The following REPS1 variants were observed in gnomAD, a reference collection of about 807,000 sequenced individuals.
REPS1 encodes ralBP1-associated Eps domain-containing protein 1.
In REPS1, 39 loss-of-function variants were observed where a neutral mutation model predicts 100.9. The ratio of observed to expected loss-of-function variants is 0.39; its 90% CI spans 0.30 to 0.50. The LOEUF is 0.50. REPS1 is among the 20% of genes least tolerant of loss of function. The pLI, the probability that REPS1 is intolerant of heterozygous loss-of-function variation, is 0.86. For missense variants in REPS1, 821 were observed against 968.5 expected (o/e 0.85, Z 2.02); for synonymous variants, 324 against 340.3 (o/e 0.95, Z 0.53).
At chr6:138,952,278 A>C (rs1437174397) in intron 1 of REPS1, among the ~76,000 whole-genome samples, 1 of 152,230 alleles carries the variant, frequency 6.6e-6, no homozygotes, top group African/African-American at 2.4e-5. Context: ...GTTTGCAGGT[A>C]ATATGATCTT....
intron 1 of REPS1, among the ~76,000 whole-genome samples, chr6:138,966,168 C>G (rs543114083): frequency 6.6e-6 from 1 of 152,188 alleles, no homozygotes; most frequent in East Asian, 1.9e-4. Flanking sequence ...CAGGAGCCCA[C>G]AATTATTCCT....
chr6:138,962,167 T>C (rs781408603), intron 1 of REPS1, among the ~76,000 whole-genome samples: 1 of 152,106 alleles, frequency 6.6e-6, no homozygotes, highest in Non-Finnish European at 1.5e-5. Context: ...AAAATGGCAA[T>C]AAAATAAATG....
At chr6:138,913,311 ATAAGT>A (rs1221656006) in intron 15 of REPS1, among the ~76,000 whole-genome samples, 3 of 152,088 alleles carry the variant, frequency 2.0e-5, no homozygotes, top group African/African-American at 7.2e-5. Flanking sequence ...TCTTCCTTAA[ATAAGT>A]TATTTTTTTT....
At chr6:138,924,880 G>T (rs1417140353) in intron 10 of REPS1, among the ~76,000 whole-genome samples, 1 of 152,086 alleles carries the variant, frequency 6.6e-6, no homozygotes. Flanking sequence ...AAAAATAAAT[G>T]CCTTAAATGT....
intron 8 of REPS1, among the ~76,000 whole-genome samples, chr6:138,935,348 A>T (rs1182291482): frequency 6.6e-6 from 1 of 152,214 alleles, no homozygotes; most frequent in Non-Finnish European, 1.5e-5. Flanking sequence ...AGTACTGCTC[A>T]ACATCTGACT....
At chr6:138,935,814 G>A (rs1378149092) in intron 8 of REPS1, among the ~76,000 whole-genome samples, 4 of 123,916 alleles carry the variant, frequency 3.2e-5, no homozygotes, top group African/African-American at 9.2e-5. Flanking sequence ...AGATCACACC[G>A]CAGCACTCCA....
intron 1 of REPS1, among the ~76,000 whole-genome samples, chr6:138,977,143 G>C (rs1352584146): frequency 6.6e-6 from 1 of 152,178 alleles, no homozygotes; most frequent in Non-Finnish European, 1.5e-5. Flanking sequence ...AAATTATACA[G>C]TGTATAGAGC....
At chr6:138,928,988 C>T (rs17068112) in intron 9 of REPS1, 1 of 152,104 alleles carries the variant, frequency 6.6e-6, no homozygotes, top group South Asian at 2.1e-4. Context: ...AGTATAAAAC[C>T]ACCAGTTAGT....
intron 8 of REPS1, among the ~76,000 whole-genome samples, chr6:138,933,611 G>A (rs1157172002): frequency 2.0e-5 from 3 of 152,120 alleles, no homozygotes; most frequent in Non-Finnish European, 4.4e-5. Context: ...AAGCAAATAT[G>A]ACAATTTCGT....
intron 1 of REPS1, among the ~76,000 whole-genome samples, chr6:138,969,843 G>A (rs995306317): frequency 1.4e-5 from 2 of 146,986 alleles, no homozygotes; most frequent in Admixed American, 1.4e-4. Context: ...AAAGAAAGAG[G>A]TTACTGTGAA....
intron 9 of REPS1, 128 bp from the exon 10 acceptor site, chr6:138,926,609 A>G: frequency 1.5e-6 from 1 of 646,574 alleles, no homozygotes; most frequent in Admixed American, 2.6e-5. Context: ...AACAAAATTC[A>G]GTAATTTCTA....
At chr6:138,979,198 C>CAAA (rs1277794755) in intron 1 of REPS1, among the ~76,000 whole-genome samples, 1 of 91,796 alleles carries the variant, frequency 1.1e-5, no homozygotes, top group Non-Finnish European at 2.0e-5. Context: ...AAAAAAAAAA[C>CAAA]AAAAAAAAAA....
chr6:138,960,543 G>A (rs1783670640), intron 1 of REPS1, among the ~76,000 whole-genome samples: 1 of 151,668 alleles, frequency 6.6e-6, no homozygotes, highest in Non-Finnish European at 1.5e-5. Context: ...TTACAAATGT[G>A]CAAATTTCCT....
intron 18 of REPS1, 110 bp from the exon 19 acceptor site, chr6:138,907,710 T>C (rs2128422762): frequency 4.3e-6 from 3 of 693,678 alleles, no homozygotes; most frequent in Admixed American, 2.4e-5. Flanking sequence ...AGAGCATCTT[T>C]TTCCTTACTA....
At position 138,944,616 on chromosome 6, in the gene REPS1, G is replaced by C. The variant is rs1782494565; in HGVS notation, c.635C>G (p.Ser212Cys). 1.2e-6 allele frequency: 2 copies of C among 1,613,248 alleles called. No homozygotes were observed. The highest frequency in any genetic ancestry group is 1.7e-6 in the Non-Finnish European group (2 of 1,179,818). Residue 212 changes from serine (S) to cysteine (C), a missense_variant, in exon 5 of 20, where the codon TCT becomes TGT. Physicochemically the swap from Ser to Cys is moderately radical, Grantham distance 112. Transcript: ENST00000450536. ...SPFGEAQSGS[S>C]AGDAVWSGHS... ...CCCTGACCACACTGCATCACCAGCA[G>C]AAGAACCTATAAGGAGAATGGGTAA...
chr6:138,964,038 T>C (rs931045660), intron 1 of REPS1, among the ~76,000 whole-genome samples: 7 of 152,182 alleles, frequency 4.6e-5, no homozygotes, highest in East Asian at 1.9e-4. Flanking sequence ...TTAGAGCAAA[T>C]AGCTCATCTC....
At chr6:138,983,665 C>T (rs1785083536) in intron 1 of REPS1, among the ~76,000 whole-genome samples, 1 of 152,144 alleles carries the variant, frequency 6.6e-6, no homozygotes, top group South Asian at 2.1e-4. Flanking sequence ...CAGTCTCCTC[C>T]TAACTTTTAC....
At chr6:138,917,725 G>C in intron 12 of REPS1, 98 bp from the exon 13 acceptor site, 1 of 950,842 alleles carries the variant, frequency 1.1e-6, no homozygotes, top group Non-Finnish European at 1.6e-6. Context: ...TTTCAAGCCA[G>C]AGATAGTCAA....
chr6:138,962,551 C>T (rs1783799947), intron 1 of REPS1, among the ~76,000 whole-genome samples: 1 of 152,126 alleles, frequency 6.6e-6, no homozygotes, highest in African/African-American at 2.4e-5. Context: ...TATGTCAGTA[C>T]AGCCCTTAAA....
Sources: gnomAD v4.1 joint callset for allele counts (sites outside exome capture counted in the v4.1 genomes callset) on GRCh38, gnomAD v4.1.1 for gene constraint, MANE v1.5 for transcripts, NCBI Gene and HGNC (gene_info 2026-07-23, HGNC 2026-07-21) for gene names.